The following PLEKHA5 variants were observed in gnomAD, a reference collection of about 807,000 sequenced individuals.
The protein encoded by PLEKHA5 is pleckstrin homology domain-containing family A member 5.
In PLEKHA5, 55 loss-of-function variants were observed where a neutral mutation model predicts 181.9. That is an observed-to-expected ratio of 0.30 (90% CI 0.24 to 0.38). PLEKHA5 has a LOEUF of 0.38. PLEKHA5 is among the 10% of genes least tolerant of loss of function. The pLI, the probability that PLEKHA5 is intolerant of heterozygous loss-of-function variation, is 1.00. For missense variants in PLEKHA5, 1,432 were observed against 1,549.5 expected, an observed-to-expected ratio of 0.92 and a Z score of 1.27; for synonymous variants, 535 against 529.4, an observed-to-expected ratio of 1.01 and a Z score of -0.15.
At chr12:19,180,039 A>G (rs1591955785) in intron 3 of PLEKHA5, among the ~76,000 whole-genome samples, 1 of 152,284 alleles carries the variant, frequency 6.6e-6, no homozygotes, top group Non-Finnish European at 1.5e-5. Context: ...AGACTTGTAA[A>G]CAAAAGTCTT....
intron 3 of PLEKHA5, among the ~76,000 whole-genome samples, chr12:19,174,642 T>C (rs2046766027): frequency 6.6e-6 from 1 of 152,180 alleles, no homozygotes; most frequent in Non-Finnish European, 1.5e-5. Flanking sequence ...GCTGATACTT[T>C]GAGGGCTAAG....
intron 3 of PLEKHA5, among the ~76,000 whole-genome samples, chr12:19,170,438 T>G (rs1434229331): frequency 1.3e-5 from 2 of 152,048 alleles, no homozygotes; most frequent in Non-Finnish European, 2.9e-5. Context: ...CTTTTTTTTT[T>G]TTTTTGGAGA....
intron 3 of PLEKHA5, among the ~76,000 whole-genome samples, chr12:19,160,786 A>C (rs2042794892): frequency 6.6e-6 from 1 of 152,094 alleles, no homozygotes; most frequent in African/African-American, 2.4e-5. Context: ...GTGCTGGGTC[A>C]ATGTATGTTT....
At chr12:19,260,002 C>T (rs1308796520) in intron 6 of PLEKHA5, among the ~76,000 whole-genome samples, 4 of 151,286 alleles carry the variant, frequency 2.6e-5, no homozygotes, top group Non-Finnish European at 5.9e-5. Context: ...GTTTAATTCT[C>T]ACTTCCAATT....
In PLEKHA5 at chr12:19,359,513, A is replaced by G. The variant is rs886234489; in HGVS notation, c.3450A>G (p.Glu1150=). ...TPATEIVQLK[E]TEPQNVDFSK... ...CAACAGAAATTGTTCAACTAAAAGA[A>G]ACCGAACCCCAAAATGTGGACTTCA... Residue 1150 remains glutamate (E), a synonymous_variant, in exon 28 of 32, where the codon GAA becomes GAG. Coordinates refer to ENST00000429027, the MANE Select transcript of PLEKHA5 (RefSeq NM_001256470.2). 2 of 1,614,092 alleles carry G rather than the reference A, an allele frequency of 1.2e-6. No homozygotes were observed. Among genetic ancestry groups the G allele is most frequent in the Non-Finnish European group, 1.7e-6 (2 of 1,179,978 alleles).
At chr12:19,155,564 C>A (rs976706149) in intron 3 of PLEKHA5, among the ~76,000 whole-genome samples, 2 of 152,114 alleles carry the variant, frequency 1.3e-5, no homozygotes, top group African/African-American at 4.8e-5. Context: ...TATTTTGAAT[C>A]AAATGGAATC....
At chr12:19,197,187 T>TCTATG (rs1176690015) in intron 3 of PLEKHA5, among the ~76,000 whole-genome samples, 2 of 152,236 alleles carry the variant, frequency 1.3e-5, no homozygotes, top group East Asian at 3.9e-4. Flanking sequence ...TCTCCTGACT[T>TCTATG]CTATGACATC....
At position 19,226,414 on chromosome 12, in the gene PLEKHA5, ATTTG is replaced by A. The variant is rs373908451; in HGVS notation, c.228-27521_228-27518del. 1.7e-3 allele frequency among the ~76,000 whole-genome samples: 266 copies of A among 152,254 alleles called. 1 individual carries two copies. Among genetic ancestry groups the A allele is most frequent in the South Asian group, 0.014 (67 of 4,832 alleles). On this transcript the variant is annotated intron_variant, in intron 3 of 31. Coordinates refer to ENST00000429027, the MANE Select transcript of PLEKHA5 (RefSeq NM_001256470.2). The stretch of plus-strand genomic sequence containing the variant: ...TTGCTGTGAACATGTATGTACAAGT[ATTTG>A]TTTGAATACCTGTTTTTAATTATTT...
At chr12:19,325,082 T>C (rs1483903090) in intron 20 of PLEKHA5, among the ~76,000 whole-genome samples, 4 of 152,244 alleles carry the variant, frequency 2.6e-5, no homozygotes, top group African/African-American at 9.6e-5. Context: ...GGGAAATTTG[T>C]TAAAAATATC....
chr12:19,320,943 G>C (rs376398082), intron 18 of PLEKHA5: 10 of 165,136 alleles, frequency 6.1e-5, no homozygotes, highest in African/African-American at 2.4e-4. Flanking sequence ...GAGGCGGGCG[G>C]ATCAGTTGAG....
rs2053947106 is a variant in PLEKHA5, at chr12:19,200,457, T to C, written c.228-53483T>C. ...GTTGACAAAACAGCATATTCTAAAC[T>C]GATTGTCTTCGTTATCCAGTAGCTT... is the stretch of plus-strand genomic sequence containing the variant. On this transcript the variant is annotated intron_variant, in intron 3 of 31. Transcript: ENST00000429027. 4 of 1,433,486 alleles carry C rather than the reference T, an allele frequency of 2.8e-6. No individual in the cohort carries two copies. The East Asian group carries it at 7.6e-5, about 27-fold the overall frequency. 88.8% of individuals were successfully genotyped at this position (1,433,486 alleles called of 1,614,324 possible).
chr12:19,182,869 G>A (rs1413219400), intron 3 of PLEKHA5, among the ~76,000 whole-genome samples: 2 of 152,202 alleles, frequency 1.3e-5, no homozygotes, highest in Non-Finnish European at 2.9e-5. Flanking sequence ...AAACAACACA[G>A]ACTGCAACTA....
At chr12:19,329,485 T>C (rs1028861865) in intron 20 of PLEKHA5, among the ~76,000 whole-genome samples, 1 of 152,064 alleles carries the variant, frequency 6.6e-6, no homozygotes, top group East Asian at 1.9e-4. Flanking sequence ...GTTTGGCAGG[T>C]TTTTTATTAC....
chr12:19,306,763 G>A (rs1004881220), intron 15 of PLEKHA5: 65 of 976,552 alleles, frequency 6.7e-5, no homozygotes, highest in Admixed American at 3.7e-4. Context: ...TTTGCCAATC[G>A]CAATCTCGTT....
intron 15 of PLEKHA5, among the ~76,000 whole-genome samples, chr12:19,295,944 T>C (rs964969171): frequency 1.3e-5 from 2 of 152,220 alleles, no homozygotes; most frequent in Non-Finnish European, 2.9e-5. Flanking sequence ...TAAAAATGTA[T>C]TCAGTGGCTG....
intron 16 of PLEKHA5, 69 bp from the exon 17 acceptor site, chr12:19,319,952 G>T: frequency 9.4e-7 from 1 of 1,067,876 alleles, no homozygotes; most frequent in Non-Finnish European, 1.3e-6. Context: ...TAGGCTTTCA[G>T]TTTTATAAGA....
At chr12:19,222,511 A>C (rs1223036373) in intron 3 of PLEKHA5, among the ~76,000 whole-genome samples, 3 of 152,184 alleles carry the variant, frequency 2.0e-5, no homozygotes, top group Non-Finnish European at 2.9e-5. Flanking sequence ...TTATTGATTG[A>C]AATAGCAACT....
chr12:19,306,330 G>C (rs2083526072), intron 15 of PLEKHA5: 1 of 417,126 alleles, frequency 2.4e-6, no homozygotes. Context: ...GAGGCGAGGT[G>C]GGGGTGGCCG....
intron 3 of PLEKHA5, chr12:19,176,593 T>A (rs1466356951): frequency 2.0e-5 from 3 of 152,148 alleles, no homozygotes; most frequent in African/African-American, 7.2e-5. Context: ...TGCCTGCCTT[T>A]CTCTTCATTA....
Sources: gnomAD v4.1 joint callset for allele counts (sites outside exome capture counted in the v4.1 genomes callset) on GRCh38, gnomAD v4.1.1 for gene constraint, MANE v1.5 for transcripts, NCBI Gene and HGNC (gene_info 2026-07-23, HGNC 2026-07-21) for gene names.